The following ME3 variants were observed in gnomAD, a reference collection of about 807,000 sequenced individuals.
ME3 encodes the protein NADP-dependent malic enzyme, mitochondrial.
A neutral mutation model predicts 68.9 loss-of-function variants in ME3; 48 were observed. The ratio of observed to expected loss-of-function variants is 0.70; its 90% confidence interval spans 0.55 to 0.89. ME3 has a LOEUF of 0.89. Among genes scored for constraint, ME3 ranks in the 40% least tolerant of loss-of-function variants. ME3 has a pLI of 0.00. For missense variants in ME3, 675 were observed against 797.4 expected, an observed-to-expected ratio of 0.85 and a Z score of 1.85; for synonymous variants, 320 against 318.8, an observed-to-expected ratio of 1.00 and a Z score of -0.04.
intron 2 of ME3, chr11:86,667,600 G>A (rs1221012699): frequency 6.6e-6 from 1 of 152,196 alleles, no homozygotes; most frequent in Non-Finnish European, 1.5e-5. Context: ...ACAAGACAGA[G>A]TGTCTGTCCC....
chr11:86,479,254 G>A (rs571552814), intron 7 of ME3, among the ~76,000 whole-genome samples: 2 of 152,226 alleles, frequency 1.3e-5, no homozygotes, highest in South Asian at 2.1e-4. Context: ...GTGCACCAGC[G>A]GCCCCACTTT....
chr11:86,440,953 A>G (rs12283035), downstream of ME3, among the ~76,000 whole-genome samples: 16,505 of 152,148 alleles, frequency 0.11, 1,461 homozygotes, highest in African/African-American at 0.24. Context: ...ATTGTGTCCA[A>G]TCTCCTCCAC....
In ME3 at chr11:86,616,967, A is replaced by C. The variant is rs1448277171; in HGVS notation, c.183+54795T>G. Reference sequence around the variant, plus strand: ...CATGGAAATGTTAACAATGTGGGAAAACTGGGTAAGGGGTATACATGAACT... The same window carrying C: ...CATGGAAATGTTAACAATGTGGGAACACTGGGTAAGGGGTATACATGAACT... On this transcript the variant is annotated intron_variant, in intron 2 of 14. Coordinates refer to ENST00000543262, the Ensembl canonical transcript of ME3. Among the ~76,000 whole-genome samples the C allele has an allele frequency of 2.0e-5, 3 of 148,958 alleles. No homozygotes were observed. The East Asian group carries it at 6.0e-4, about 30-fold the overall frequency.
chr11:86,443,125 TAA>T (rs970602917), intron 13 of ME3, among the ~76,000 whole-genome samples: 1 of 152,172 alleles, frequency 6.6e-6, no homozygotes, highest in Non-Finnish European at 1.5e-5. Context: ...GGCTGAGGCT[TAA>T]AACAACATTA....
chr11:86,524,179 C>T (rs772711777), intron 4 of ME3, among the ~76,000 whole-genome samples: 19 of 152,222 alleles, frequency 1.2e-4, no homozygotes, highest in Admixed American at 2.0e-4. Flanking sequence ...TAGAAGGCCT[C>T]TAGTGAATCT....
exon 9 of ME3, chr11:86,450,328 G>T: frequency 1.2e-6 from 2 of 1,614,120 alleles, no homozygotes; most frequent in Non-Finnish European, 8.5e-7. Flanking sequence ...AAACAAACAC[G>T]TGATTGGAAA....
intron 14 of ME3, 59 bp from the exon 15 acceptor site, chr11:86,441,499 C>T: frequency 6.7e-7 from 1 of 1,485,018 alleles, no homozygotes; most frequent in Non-Finnish European, 9.0e-7. Context: ...GCTTAAGGAT[C>T]CTTGCTTGGG....
At chr11:86,575,332 T>C (rs1958041423) in intron 2 of ME3, among the ~76,000 whole-genome samples, 1 of 147,080 alleles carries the variant, frequency 6.8e-6, no homozygotes, top group East Asian at 1.9e-4. Context: ...TTAGCTAATG[T>C]TCTTACCCTC....
intron 4 of ME3, among the ~76,000 whole-genome samples, chr11:86,513,242 A>T (rs1425917567): frequency 6.6e-6 from 1 of 152,208 alleles, no homozygotes; most frequent in African/African-American, 2.4e-5. Flanking sequence ...CTAAAATTTC[A>T]AAGTTCTTTT....
rs553991907 is a variant in ME3, at chr11:86,498,174, G to A, written c.544-50C>T. On this transcript the variant is annotated intron_variant, in intron 5 of 14. Transcript: ENST00000543262. ...ATCAGGGACAGCACTTCCTGTGACA[G>A]GGTGCTCATTTTAGCAGCCCCAGCC... The A allele has an allele frequency of 3.1e-5, 48 of 1,560,756 alleles. No homozygotes were observed. The African/African-American group carries it at 6.4e-4, about 21-fold the overall frequency.
At chr11:86,647,395 G>A (rs532549661) in intron 2 of ME3, among the ~76,000 whole-genome samples, 3 of 151,774 alleles carry the variant, frequency 2.0e-5, no homozygotes, top group Non-Finnish European at 4.4e-5. Context: ...TGAGGCAGGA[G>A]AATGGCATGA....
At chr11:86,611,832 A>C (rs552594189) in intron 2 of ME3, among the ~76,000 whole-genome samples, 1 of 152,264 alleles carries the variant, frequency 6.6e-6, no homozygotes, top group South Asian at 2.1e-4. Context: ...CCATCTGAAA[A>C]AGTTGCTGAG....
At chr11:86,630,295 C>A (rs776858237) in intron 2 of ME3, among the ~76,000 whole-genome samples, 2 of 152,122 alleles carry the variant, frequency 1.3e-5, no homozygotes, top group Admixed American at 1.3e-4. Flanking sequence ...TGACTGACAG[C>A]GCTTGGTTGA....
intron 4 of ME3, among the ~76,000 whole-genome samples, chr11:86,526,875 C>T (rs1344062481): frequency 1.3e-5 from 2 of 152,192 alleles, no homozygotes; most frequent in Non-Finnish European, 2.9e-5. Context: ...ACGTCACCAT[C>T]ATCACAGACC....
At chr11:86,463,933 T>G in intron 8 of ME3, 1 of 206,570 alleles carries the variant, frequency 4.8e-6, no homozygotes, top group Non-Finnish European at 1.0e-5. Flanking sequence ...TCTCAGTGTT[T>G]TCATTCATAA....
downstream of ME3, chr11:86,436,396 A>G (rs2138562479): frequency 6.6e-6 from 1 of 152,132 alleles, no homozygotes; most frequent in East Asian, 1.9e-4. Flanking sequence ...TTCTTTATAT[A>G]TTCCGGATCC....
At chr11:86,660,606 C>T (rs1484132195) in intron 2 of ME3, among the ~76,000 whole-genome samples, 1 of 152,150 alleles carries the variant, frequency 6.6e-6, no homozygotes. Context: ...AGCCTTTGAG[C>T]TCTGCTGCCT....
At chr11:86,585,849 C>T (rs112404122) in intron 2 of ME3, among the ~76,000 whole-genome samples, 3,763 of 151,962 alleles carry the variant, frequency 0.025, 141 homozygotes, top group African/African-American at 0.08. Context: ...GATGGGACAG[C>T]GGAAAGAAAG....
chr11:86,556,836 A>G, intron 3 of ME3, 134 bp from the exon 4 acceptor site: 1 of 874,992 alleles, frequency 1.1e-6, no homozygotes, highest in Non-Finnish European at 1.8e-6. Flanking sequence ...ATCTGCCCTG[A>G]GCATGAGCTT....
Sources: allele counts gnomAD v4.1 joint callset (sites outside exome capture counted in the v4.1 genomes callset), GRCh38; gene constraint gnomAD v4.1.1; transcripts MANE v1.5; gene names NCBI Gene and HGNC (gene_info 2026-07-23, HGNC 2026-07-21).